LCK: variants seen among roughly 807,000 people sequenced by gnomAD.
The protein encoded by LCK is LCK proto-oncogene, Src family tyrosine kinase.
A neutral mutation model predicts 64.6 loss-of-function variants in LCK; 14 were observed. That is an observed-to-expected ratio of 0.22 (90% CI 0.14 to 0.34). The LOEUF (loss-of-function observed/expected upper bound fraction) is 0.34, where lower values mean the gene tolerates loss of function less well. LCK is among the 10% of genes least tolerant of loss of function. LCK has a pLI of 1.00. For synonymous variants in LCK, 277 were observed against 263.6 expected (o/e 1.05, Z -0.49); for missense variants, 434 against 668.1 (o/e 0.65, Z 3.86).
intron 9 of LCK, among the ~76,000 whole-genome samples, chr1:32,278,350 C>CT (rs879932791): frequency 4.6e-4 from 68 of 146,538 alleles, no homozygotes; most frequent in Middle Eastern, 3.5e-3. Context: ...TCATGTGTAT[C>CT]TTTTTTTTTT....
At chr1:32,253,274 A>G (rs1639551230) in intron 1 of LCK, among the ~76,000 whole-genome samples, 1 of 152,098 alleles carries the variant, frequency 6.6e-6, no homozygotes, top group Admixed American at 6.6e-5. Context: ...CTGAGGCAGA[A>G]TTGCTTGAAC....
At chr1:32,270,662 G>A (rs1640054367) in intron 1 of LCK, among the ~76,000 whole-genome samples, 1 of 150,366 alleles carries the variant, frequency 6.7e-6, no homozygotes, top group Non-Finnish European at 1.5e-5. Flanking sequence ...CAAAGTGCTG[G>A]GATTACAGGA....
chr1:32,266,391 G>A (rs1428870167), intron 1 of LCK, among the ~76,000 whole-genome samples: 3 of 150,298 alleles, frequency 2.0e-5, no homozygotes, highest in Admixed American at 6.6e-5. Context: ...CCAGCTACTC[G>A]GGAGGCTGAG....
At chr1:32,274,285 C>A in intron 1 of LCK, 40 bp from the exon 2 acceptor site, 1 of 1,613,638 alleles carries the variant, frequency 6.2e-7, no homozygotes. Flanking sequence ...GGGAGCAGAT[C>A]TTGGGGGAGC....
chr1:32,253,163 TG>T (rs1391860709), intron 1 of LCK, among the ~76,000 whole-genome samples: 2 of 152,084 alleles, frequency 1.3e-5, no homozygotes, highest in African/African-American at 4.8e-5. Flanking sequence ...GCCAGGAGCT[TG>T]AGACCAGGCT....
rs770430504 is a variant in LCK at position 32,280,443 on chromosome 1, C to CTTTTTTTTTTTTTTTTTTT, written c.1327+245_1327+263dup. Among the ~76,000 whole-genome samples the CTTTTTTTTTTTTTTTTTTT allele has an allele frequency of 1.2e-4, 10 of 84,756 alleles. 1 individual carries two copies. The highest frequency in any genetic ancestry group is 3.4e-4 in the East Asian group (1 of 2,964). 55.6% of individuals were successfully genotyped at this position (84,756 alleles called of 152,430 possible). On this transcript the variant is annotated intron_variant, in intron 12 of 12. Transcript: ENST00000336890. ...TTTCTTTTTCTCTTTTTTTCTTTTT[C>CTTTTTTTTTTTTTTTTTTT]TTTTTTTTTTTTTTTTTTTTTTTTT...
At chr1:32,256,962 G>A (rs917742823) in intron 1 of LCK, among the ~76,000 whole-genome samples, 12 of 152,226 alleles carry the variant, frequency 7.9e-5, no homozygotes, top group African/African-American at 2.4e-4. Context: ...TATATCAAAC[G>A]TGAAAAGGTA....
intron 1 of LCK, among the ~76,000 whole-genome samples, chr1:32,266,373 C>T (rs553062703): frequency 1.0e-3 from 153 of 151,190 alleles, no homozygotes; most frequent in African/African-American, 3.3e-3. Context: ...TGGCGGGCGC[C>T]GGTAGTTCCA....
intron 12 of LCK, among the ~76,000 whole-genome samples, chr1:32,284,295 GATAT>G (rs71278771): frequency 6.9e-6 from 1 of 145,912 alleles, no homozygotes; most frequent in South Asian, 2.1e-4. Context: ...ATATCTGTGA[GATAT>G]ATATATATCT....
intron 1 of LCK, among the ~76,000 whole-genome samples, chr1:32,263,943 G>A (rs1639849306): frequency 6.6e-6 from 1 of 151,948 alleles, no homozygotes; most frequent in South Asian, 2.1e-4. Context: ...AAGACCGGAA[G>A]GATGGGGTAT....
At chr1:32,266,760 CCT>C (rs1639931470) in intron 1 of LCK, among the ~76,000 whole-genome samples, 1 of 13,866 alleles carries the variant, frequency 7.2e-5, no homozygotes, top group South Asian at 4.0e-3. Flanking sequence ...CCCCTCCTCC[CCT>C]CCCCCTCCCC....
At chr1:32,261,098 C>A (rs866301847) in intron 1 of LCK, among the ~76,000 whole-genome samples, 3 of 151,404 alleles carry the variant, frequency 2.0e-5, no homozygotes, top group African/African-American at 4.9e-5. Context: ...GAGACAGGGT[C>A]CCCTGTCGCC....
Position 32,276,514 on chromosome 1 carries a change from T to G in LCK, c.784+25T>G, listed in dbSNP as rs1359490169. Reference sequence around the variant, plus strand: ...GGTGAGTGTGGCCTCCAGGACTGCCTGGGAAGAGGGGAACGGGAGGGGCCG... The same window carrying G: ...GGTGAGTGTGGCCTCCAGGACTGCCGGGGAAGAGGGGAACGGGAGGGGCCG... On this transcript the variant is annotated intron_variant, in intron 8 of 12. Transcript: ENST00000336890. This position sits in a 1 kb window ranked among gnomAD's most constrained non-coding sequence, Gnocchi z 4.6. 1.3e-6 allele frequency: 2 copies of G among 1,594,968 alleles called. No homozygotes were observed. Among genetic ancestry groups the G allele is most frequent in the Non-Finnish European group, 1.7e-6 (2 of 1,168,820 alleles).
intron 1 of LCK, among the ~76,000 whole-genome samples, chr1:32,263,555 G>A (rs944147506): frequency 2.0e-5 from 3 of 151,692 alleles, no homozygotes; most frequent in Non-Finnish European, 4.4e-5. Context: ...TGGGCAACAT[G>A]GTGAAACCTT....
chr1:32,264,489 T>TA (rs998466140), intron 1 of LCK, among the ~76,000 whole-genome samples: 6 of 146,514 alleles, frequency 4.1e-5, no homozygotes, highest in Non-Finnish European at 7.5e-5. Context: ...AGACCTCGTC[T>TA]AAAAAAAAAA....
intron 9 of LCK, among the ~76,000 whole-genome samples, chr1:32,278,705 G>C (rs938224165): frequency 6.6e-6 from 1 of 152,186 alleles, no homozygotes; most frequent in Admixed American, 6.6e-5. Flanking sequence ...AGGTTCATTG[G>C]AAGTGAGTGC....
In LCK at chr1:32,276,167, C is replaced by A; in HGVS notation, c.631+104C>A. ...TTTCAATGCCCTACTCCATTCCCCG[C>A]AGTGGGTGAGGTGTGGAACCTGACC... On this transcript the variant is annotated intron_variant, in intron 7 of 12. Transcript: ENST00000336890. The surrounding 1 kb of genome is among the most constrained non-coding windows in gnomAD (Gnocchi z 4.6). The A allele has an allele frequency of 6.7e-7, 1 of 1,485,320 alleles. No individual in the cohort carries two copies. Among genetic ancestry groups the A allele is most frequent in the Non-Finnish European group, 9.2e-7 (1 of 1,083,884 alleles). 92.0% of individuals were successfully genotyped at this position (1,485,320 alleles called of 1,614,324 possible). A position where few individuals can be genotyped will look rare whatever the true frequency, so the allele number is the denominator to read the frequency against.
At chr1:32,284,245 TTCTGTGATATATATATATATATATA>T (rs1297371454) in intron 12 of LCK, among the ~76,000 whole-genome samples, 56 of 148,702 alleles carry the variant, frequency 3.8e-4, no homozygotes, top group African/African-American at 1.3e-3. Flanking sequence ...ATTTGATGCT[TTCTGTGATATATATATATATATATA>T]TCTGTGAGAT....
chr1:32,273,352 G>C (rs1640164074), intron 1 of LCK, among the ~76,000 whole-genome samples: 1 of 150,224 alleles, frequency 6.7e-6, no homozygotes, highest in African/African-American at 2.5e-5. Flanking sequence ...GCCTCTGTGT[G>C]TGTGTGTGAG....
Sources: gnomAD v4.1 joint callset for allele counts (sites outside exome capture counted in the v4.1 genomes callset) on GRCh38, gnomAD v4.1.1 for gene constraint, Gnocchi (gnomAD v3.1) non-coding constraint, MANE v1.5 for transcripts, NCBI Gene and HGNC (gene_info 2026-07-23, HGNC 2026-07-21) for gene names.